The following IPP variants were observed in gnomAD, a reference collection of about 807,000 sequenced individuals.
IPP encodes the protein intracisternal A particle-promoted polypeptide.
In IPP, 41 loss-of-function variants were observed where a neutral mutation model predicts 64.1. The observed-to-expected ratio is 0.64, with a 90% confidence interval of 0.50 to 0.83. IPP has a LOEUF of 0.83. IPP is among the 40% of genes least tolerant of loss of function. The probability of loss-of-function intolerance (pLI) is 0.00; values close to 1 mark genes in which losing one functional copy is unlikely to be tolerated. For missense variants in IPP, 649 were observed against 703.0 expected, an observed-to-expected ratio of 0.92 and a Z score of 0.87; for synonymous variants, 214 against 235.2, an observed-to-expected ratio of 0.91 and a Z score of 0.83.
chr1:45,746,952 C>T (rs1466031111), intron 1 of IPP, among the ~76,000 whole-genome samples: 5 of 152,152 alleles, frequency 3.3e-5, no homozygotes, highest in Non-Finnish European at 7.4e-5. Flanking sequence ...ATAACTTCCT[C>T]CAGGAACCTT....
intron 8 of IPP, among the ~76,000 whole-genome samples, chr1:45,712,720 G>A (rs374159894): frequency 5.3e-5 from 8 of 151,676 alleles, no homozygotes; most frequent in African/African-American, 1.2e-4. Flanking sequence ...TTAGCCAGGC[G>A]TAGTGGCGGG....
chr1:45,730,226 C>A (rs1645888924), intron 3 of IPP, among the ~76,000 whole-genome samples: 1 of 152,002 alleles, frequency 6.6e-6, no homozygotes, highest in South Asian at 2.1e-4. Flanking sequence ...GTGGCACATG[C>A]CTATAGTTCC....
chr1:45,697,802 C>CA (rs1466312659), downstream of IPP: 3 of 149,552 alleles, frequency 2.0e-5, no homozygotes, highest in African/African-American at 7.4e-5. Flanking sequence ...ACTAAAGATA[C>CA]AAAAAATTAG....
At chr1:45,724,201 C>T (rs1645773044) in intron 5 of IPP, among the ~76,000 whole-genome samples, 1 of 152,168 alleles carries the variant, frequency 6.6e-6, no homozygotes, top group Non-Finnish European at 1.5e-5. Context: ...CCGGGCTGGT[C>T]TCCAGCTCCT....
rs187432154 is a variant in IPP, at chr1:45,722,062, G to A, written c.1049-2722C>T. ...ACAGCCTGGCACAGAGTGAGACTCC[G>A]TTTCAAAACAAAAAGAAACAAACAA... On this transcript the variant is annotated intron_variant, in intron 5 of 8. Transcript: ENST00000396478. 2.2e-4 allele frequency among the ~76,000 whole-genome samples: 33 copies of A among 151,230 alleles called. No individual in the cohort carries two copies. In the East Asian group the frequency reaches 3.9e-3, roughly 18 times the overall value.
chr1:45,724,916 C>T (rs1645791933), intron 5 of IPP, among the ~76,000 whole-genome samples: 1 of 148,050 alleles, frequency 6.8e-6, no homozygotes, highest in Non-Finnish European at 1.5e-5. Flanking sequence ...GCCCGGCCAG[C>T]CGCCCCGTCC....
chr1:45,733,583 G>A (rs891923631), intron 3 of IPP, among the ~76,000 whole-genome samples: 1 of 151,744 alleles, frequency 6.6e-6, no homozygotes, highest in African/African-American at 2.4e-5. Context: ...TCACGCCTGA[G>A]CACTTTGGGA....
intron 8 of IPP, among the ~76,000 whole-genome samples, chr1:45,712,140 A>T (rs1443123042): frequency 6.6e-6 from 1 of 151,802 alleles, no homozygotes; most frequent in African/African-American, 2.4e-5. Flanking sequence ...GCATGGTGAA[A>T]CCCTGGCTCT....
intron 5 of IPP, among the ~76,000 whole-genome samples, chr1:45,723,435 C>T (rs970202603): frequency 6.6e-6 from 1 of 152,132 alleles, no homozygotes; most frequent in Non-Finnish European, 1.5e-5. Context: ...TCTGTGGTAT[C>T]AGGGGATGGA....
chr1:45,741,039 C>A lies in IPP; in HGVS notation c.586G>T (p.Asp196Tyr), dbSNP rs768271581. The A allele has an allele frequency of 6.2e-6, 10 of 1,613,930 alleles. No individual in the cohort carries two copies. The highest frequency in any genetic ancestry group is 6.8e-6 in the Non-Finnish European group (8 of 1,179,972). Residue 196 changes from aspartate to tyrosine, a missense_variant, in exon 3 of 9, where the codon GAT becomes TAT. Coordinates refer to ENST00000396478, the MANE Select transcript of IPP (RefSeq NM_005897.3). The part of the protein sequence containing the change: ...ILRSEELSIE[D>Y]EYQVFLAAMQ... ...GCAGCTAAGAAGACCTGGTATTCAT[C>A]CTCAATGCTAAGCTCTTCACTTCGC... is the stretch of plus-strand genomic sequence containing the variant.
chr1:45,715,146 G>A (rs149228551), intron 7 of IPP, among the ~76,000 whole-genome samples: 1 of 139,548 alleles, frequency 7.2e-6, no homozygotes, highest in African/African-American at 2.7e-5. Context: ...AGTGAGCCAA[G>A]ATTGCACCAC....
chr1:45,729,014 C>T (rs941067441), intron 4 of IPP, among the ~76,000 whole-genome samples: 2 of 150,854 alleles, frequency 1.3e-5, no homozygotes, highest in Non-Finnish European at 3.0e-5. Context: ...GGCATGGTGG[C>T]GCATGCCTGT....
chr1:45,730,085 C>T (rs76711900), intron 3 of IPP, among the ~76,000 whole-genome samples: 1,610 of 152,296 alleles, frequency 0.011, 29 homozygotes, highest in African/African-American at 0.037. Context: ...TGGTAGCTCA[C>T]GCATGTAATC....
chr1:45,707,633 A>ATAAACT (rs1319790932), intron 8 of IPP, among the ~76,000 whole-genome samples: 1 of 152,158 alleles, frequency 6.6e-6, no homozygotes, highest in African/African-American at 2.4e-5. Flanking sequence ...TAAAGGATTA[A>ATAAACT]TAAACTTGAA....
chr1:45,720,702 C>T (rs1465685688), intron 5 of IPP, among the ~76,000 whole-genome samples: 2 of 152,050 alleles, frequency 1.3e-5, no homozygotes, highest in Non-Finnish European at 2.9e-5. Context: ...AGAAACGTAC[C>T]TATATGATTA....
intron 5 of IPP, among the ~76,000 whole-genome samples, chr1:45,721,943 T>A (rs554678035): frequency 6.6e-6 from 1 of 152,016 alleles, no homozygotes; most frequent in South Asian, 2.1e-4. Flanking sequence ...GTGGTGCGTG[T>A]CTGTAATCCC....
intron 1 of IPP, among the ~76,000 whole-genome samples, chr1:45,750,369 T>TC (rs1307564750): frequency 6.6e-6 from 1 of 152,078 alleles, no homozygotes; most frequent in East Asian, 1.9e-4. Flanking sequence ...GCCTCAGGAT[T>TC]CCCCAGTTGG....
intron 5 of IPP, among the ~76,000 whole-genome samples, chr1:45,722,382 C>A (rs948667229): frequency 6.6e-6 from 1 of 151,838 alleles, no homozygotes; most frequent in African/African-American, 2.4e-5. Context: ...GAAACCCCAT[C>A]TCTATTAAAA....
At position 45,719,360 on chromosome 1, in the gene IPP, C is replaced by T. The variant is rs1048379825; in HGVS notation, c.1049-20G>A. 6.5e-7 allele frequency: 1 copy of T among 1,527,236 alleles called. No homozygotes were observed. Among genetic ancestry groups the T allele is most frequent in the African/African-American group, 1.4e-5 (1 of 71,982 alleles). 94.6% of individuals were successfully genotyped at this position (1,527,236 alleles called of 1,614,324 possible). On this transcript the variant is annotated intron_variant, in intron 5 of 8. Transcript: ENST00000396478. The stretch of plus-strand genomic sequence containing the variant: ...TTTCACCTGAGTTAAATAAAAGAGA[C>T]AAATATTATAAAGTTTAGTAATGCC...
Sources: gnomAD v4.1 joint callset for allele counts (sites outside exome capture counted in the v4.1 genomes callset) on GRCh38, gnomAD v4.1.1 for gene constraint, MANE v1.5 for transcripts, NCBI Gene and HGNC (gene_info 2026-07-23, HGNC 2026-07-21) for gene names.